The following PCDHGB1 variants were observed in gnomAD, a reference collection of about 807,000 sequenced individuals.
PCDHGB1 encodes the protein protocadherin gamma subfamily B, 1.
PCDHGB1 carries 34 observed loss-of-function variants against 56.6 expected under a neutral mutation model. The ratio of observed to expected loss-of-function variants is 0.60; its 90% CI spans 0.46 to 0.80. The LOEUF (loss-of-function observed/expected upper bound fraction) is 0.80. Ranked by LOEUF, PCDHGB1 falls within the 30% of genes least tolerant of loss-of-function variation. The pLI is 0.00. For missense variants in PCDHGB1, 1,278 were observed against 1,204.6 expected (o/e 1.06, Z -0.90); for synonymous variants, 561 against 505.9 (o/e 1.11, Z -1.46).
intron 1 of PCDHGB1, chr5:141,417,544 C>A: frequency 3.2e-6 from 1 of 308,860 alleles, no homozygotes; most frequent in Non-Finnish European, 5.9e-6. Context: ...AAAAAAATTC[C>A]TTGAAAGAGG....
intron 1 of PCDHGB1, chr5:141,409,705 G>A (rs747252229): frequency 6.2e-6 from 10 of 1,613,134 alleles, no homozygotes; most frequent in Non-Finnish European, 7.6e-6. Flanking sequence ...CCCTGGCGGT[G>A]TCGTCATACG....
At chr5:141,416,576 A>C (rs1300203182) in intron 1 of PCDHGB1, 2 of 152,204 alleles carry the variant, frequency 1.3e-5, no homozygotes, top group Non-Finnish European at 2.9e-5. Flanking sequence ...TGAAATTGAG[A>C]GGCAAAATAA....
intron 1 of PCDHGB1, chr5:141,403,362 G>C: frequency 6.2e-7 from 1 of 1,614,062 alleles, no homozygotes; most frequent in Non-Finnish European, 8.5e-7. Flanking sequence ...CAGGCCGAAA[G>C]TCTGGAAGTA....
chr5:141,413,446 G>A, intron 1 of PCDHGB1: 1 of 1,614,130 alleles, frequency 6.2e-7, no homozygotes. Context: ...CTTGATCACC[G>A]CGGGCAGGAT....
chr5:141,351,749 C>A lies in PCDHGB1; in HGVS notation c.1489C>A (p.Leu497Met). The part of the protein sequence containing the change: ...ILASDLEPRE[L>M]LSYVSVSPQS... ...GGCCAGTGACCTGGAGCCGCGGGAGCTGTTGTCCTACGTGTCCGTGAGCCC... is the reference window on the plus strand; with the variant it reads ...GGCCAGTGACCTGGAGCCGCGGGAGATGTTGTCCTACGTGTCCGTGAGCCC... Residue 497 changes from leucine to methionine, a missense_variant, in exon 1 of 4, where the codon CTG (leucine) becomes ATG (methionine). Physicochemically the swap from Leu to Met is conservative, Grantham distance 15 (BLOSUM62 2). Coordinates refer to ENST00000523390, the MANE Select transcript of PCDHGB1 (RefSeq NM_018922.3). 2 of 1,613,660 alleles carry A rather than the reference C, an allele frequency of 1.2e-6. No individual in the cohort carries two copies. The highest frequency in any genetic ancestry group is 1.7e-6 in the Non-Finnish European group (2 of 1,179,900).
At chr5:141,410,849 CTTTTTTTTTTTT>C (rs759346998) in intron 1 of PCDHGB1, 1 of 129,786 alleles carries the variant, frequency 7.7e-6, no homozygotes, top group East Asian at 2.3e-4. Flanking sequence ...TTGTCTTTGT[CTTTTTTTTTTTT>C]TTTTTTTTTT....
chr5:141,508,737 C>T (rs919094477), intron 3 of PCDHGB1, among the ~76,000 whole-genome samples: 1 of 152,010 alleles, frequency 6.6e-6, no homozygotes, highest in Non-Finnish European at 1.5e-5. Flanking sequence ...CTACACCCCC[C>T]ACCCCGCTCT....
chr5:141,414,715 G>A, intron 1 of PCDHGB1: 1 of 1,614,128 alleles, frequency 6.2e-7, no homozygotes. Context: ...CATCAACTCA[G>A]ACACTGGCGT....
At position 141,375,547 on chromosome 5, in the gene PCDHGB1, C is replaced by T. The variant is rs1261585486; in HGVS notation, c.2409+22878C>T. ...ACGTGGACCAGAACGCCCAAGTCTC[C>T]TACTCACTGGCAGAAGACACCCTCC... is the stretch of plus-strand genomic sequence containing the variant. On this transcript the variant is annotated intron_variant, in intron 1 of 3. Coordinates refer to ENST00000523390, the MANE Select transcript of PCDHGB1 (RefSeq NM_018922.3). 6 of 1,613,922 alleles carry T rather than the reference C, an allele frequency of 3.7e-6. No individual in the cohort carries two copies. In the African/African-American group the frequency reaches 8.0e-5, roughly 22 times the overall value.
intron 1 of PCDHGB1, among the ~76,000 whole-genome samples, chr5:141,452,416 C>T (rs2098741061): frequency 6.6e-6 from 1 of 152,144 alleles, no homozygotes; most frequent in African/African-American, 2.4e-5. Context: ...GAGGTATGCT[C>T]ACTGCTAATG....
chr5:141,376,681 T>TTTTTTG, intron 1 of PCDHGB1: 1 of 745,704 alleles, frequency 1.3e-6, no homozygotes, highest in Non-Finnish European at 2.0e-6. Context: ...GTATCGTTTT[T>TTTTTTG]TTTTTTTTTT....
rs1413611606 is a variant in PCDHGB1, at chr5:141,368,566, G to A, written c.2409+15897G>A. Among the ~76,000 whole-genome samples, 6 of 152,186 alleles carry A rather than the reference G, an allele frequency of 3.9e-5. No individual in the cohort carries two copies. The East Asian group carries it at 1.2e-3, about 29-fold the overall frequency. On this transcript the variant is annotated intron_variant, in intron 1 of 3. Coordinates refer to ENST00000523390, the MANE Select transcript of PCDHGB1 (RefSeq NM_018922.3). ...TTTTTTTTAAAAGAAAATGTTATATGCTTCTTAGGGTAAGGTGTTTGGGAA... is the reference window on the plus strand; with the variant it reads ...TTTTTTTTAAAAGAAAATGTTATATACTTCTTAGGGTAAGGTGTTTGGGAA...
intron 1 of PCDHGB1, chr5:141,362,273 T>C: frequency 6.2e-7 from 1 of 1,614,072 alleles, no homozygotes; most frequent in African/African-American, 1.3e-5. Flanking sequence ...GCAATCTCCC[T>C]GCGCCTGCGA....
At chr5:141,394,552 G>T (rs368792885) in intron 1 of PCDHGB1, 4 of 1,614,070 alleles carry the variant, frequency 2.5e-6, no homozygotes, top group East Asian at 4.5e-5. Flanking sequence ...CTGGCGCCCC[G>T]CTCCGCAGAG....
rs749822569 is a variant in PCDHGB1, at chr5:141,371,950, C to G, written c.2409+19281C>G. On this transcript the variant is annotated intron_variant, in intron 1 of 3. Coordinates refer to ENST00000523390, the MANE Select transcript of PCDHGB1 (RefSeq NM_018922.3). Reference sequence around the variant, plus strand: ...AGCGGGGTGGTGTTCGCGCAGCGAGCCTTCGACCACGAGCAGCTGCGTGCC... The same window carrying G: ...AGCGGGGTGGTGTTCGCGCAGCGAGGCTTCGACCACGAGCAGCTGCGTGCC... 3.1e-6 allele frequency: 5 copies of G among 1,613,168 alleles called. No homozygotes were observed. The highest frequency in any genetic ancestry group is 4.2e-6 in the Non-Finnish European group (5 of 1,179,884).
At chr5:141,504,017 T>G (rs1186684262) in intron 2 of PCDHGB1, among the ~76,000 whole-genome samples, 1 of 152,150 alleles carries the variant, frequency 6.6e-6, no homozygotes, top group Non-Finnish European at 1.5e-5. Context: ...TCTCTGCTGG[T>G]CTCTTCCCAC....
At position 141,477,505 on chromosome 5, in the gene PCDHGB1, C is replaced by T. The variant is rs2099412175; in HGVS notation, c.2410-17302C>T. The T allele has an allele frequency of 5.0e-6, 8 of 1,614,126 alleles. No individual in the cohort carries two copies. Among genetic ancestry groups the T allele is most frequent in the Admixed American group, 1.7e-5 (1 of 60,024 alleles). On this transcript the variant is annotated intron_variant, in intron 1 of 3. Transcript: ENST00000523390. This position sits in a 1 kb window ranked among gnomAD's most constrained non-coding sequence, Gnocchi z 4.9. ...CACAATCTTCTCAATCTTCCTACGACGTTTACATTGAAGAAAACAACCTCC... is the reference window on the plus strand; with the variant it reads ...CACAATCTTCTCAATCTTCCTACGATGTTTACATTGAAGAAAACAACCTCC...
intron 1 of PCDHGB1, chr5:141,414,883 G>T: frequency 6.2e-7 from 1 of 1,614,176 alleles, no homozygotes; most frequent in Non-Finnish European, 8.5e-7. Context: ...CCTGTACCCC[G>T]CCCTCCCCAC....
At chr5:141,442,689 G>A (rs966261716) in intron 1 of PCDHGB1, among the ~76,000 whole-genome samples, 1 of 152,238 alleles carries the variant, frequency 6.6e-6, no homozygotes, top group South Asian at 2.1e-4. Context: ...CAGTAGTCAG[G>A]CAGACAAGAG....
Sources: allele counts gnomAD v4.1 joint callset (sites outside exome capture counted in the v4.1 genomes callset), GRCh38; gene constraint gnomAD v4.1.1; non-coding constraint Gnocchi (gnomAD v3.1); transcripts MANE v1.5; gene names NCBI Gene and HGNC (gene_info 2026-07-23, HGNC 2026-07-21).